TFEC: variants seen among roughly 807,000 people sequenced by gnomAD.
TFEC encodes the protein class E basic helix-loop-helix protein 34.
A neutral mutation model predicts 41.6 loss-of-function variants in TFEC; 31 were observed. The observed-to-expected ratio is 0.74, with a 90% CI of 0.56 to 1.01. The LOEUF (loss-of-function observed/expected upper bound fraction) is 1.01. Ranked by LOEUF, TFEC falls within the 50% of genes least tolerant of loss-of-function variation. The pLI, the probability that TFEC is intolerant of heterozygous loss-of-function variation, is 0.00. For missense variants in TFEC, 402 were observed against 404.1 expected (o/e 0.99, Z 0.04); for synonymous variants, 143 against 140.6 (o/e 1.02, Z -0.12).
intron 3 of TFEC, among the ~76,000 whole-genome samples, chr7:116,085,296 A>G (rs946042612): frequency 3.9e-5 from 6 of 151,932 alleles, no homozygotes; most frequent in African/African-American, 1.4e-4. Flanking sequence ...GGAACAATGC[A>G]TCTGATGTGA....
intron 3 of TFEC, among the ~76,000 whole-genome samples, chr7:116,044,001 GC>G (rs1384604643): frequency 6.6e-6 from 1 of 152,200 alleles, no homozygotes; most frequent in Non-Finnish European, 1.5e-5. Flanking sequence ...GGGCTTCTCA[GC>G]TGCCATGTAA....
At chr7:116,013,695 T>G (rs898057498) in intron 1 of TFEC, among the ~76,000 whole-genome samples, 1 of 152,150 alleles carries the variant, frequency 6.6e-6, no homozygotes, top group Non-Finnish European at 1.5e-5. Flanking sequence ...TATCAGTTAA[T>G]AAGTATAATG....
intron 1 of TFEC, among the ~76,000 whole-genome samples, chr7:115,986,213 G>A (rs1228219819): frequency 6.6e-6 from 1 of 152,170 alleles, no homozygotes; most frequent in African/African-American, 2.4e-5. Context: ...CAACAACAAT[G>A]ATAATAATAT....
chr7:116,155,782 G>C (rs1798858084), intron 1 of TFEC, among the ~76,000 whole-genome samples: 1 of 152,044 alleles, frequency 6.6e-6, no homozygotes, highest in Non-Finnish European at 1.5e-5. Flanking sequence ...AACATTCTTT[G>C]TCACGGGGCT....
intron 1 of TFEC, among the ~76,000 whole-genome samples, chr7:115,986,407 AG>A (rs1439954255): frequency 3.2e-4 from 49 of 152,300 alleles, no homozygotes; most frequent in African/African-American, 1.2e-3. Flanking sequence ...GAGAGAAAGA[AG>A]TGGAATACAG....
intron 1 of TFEC, among the ~76,000 whole-genome samples, chr7:116,012,701 A>C (rs937763315): frequency 5.3e-5 from 8 of 152,042 alleles, no homozygotes; most frequent in Non-Finnish European, 1.2e-4. Flanking sequence ...ATGGAATATC[A>C]ATGTATTCTC....
intron 2 of TFEC, among the ~76,000 whole-genome samples, chr7:115,981,352 G>T (rs549735181): frequency 1.3e-5 from 2 of 152,108 alleles, no homozygotes; most frequent in African/African-American, 4.8e-5. Context: ...TTTATCTTCT[G>T]AGTTTCTAGA....
chr7:115,955,729 T>C (rs187125625), intron 4 of TFEC, among the ~76,000 whole-genome samples: 81 of 152,198 alleles, frequency 5.3e-4, no homozygotes, highest in Non-Finnish European at 9.7e-4. Context: ...TTTGTTGTTA[T>C]GCAACAAAAA....
At chr7:115,944,830 C>A (rs1473887337) in intron 6 of TFEC, among the ~76,000 whole-genome samples, 1 of 151,318 alleles carries the variant, frequency 6.6e-6, no homozygotes, top group Non-Finnish European at 1.5e-5. Flanking sequence ...TGACTTGGCA[C>A]ACTCTTAGTA....
intron 3 of TFEC, among the ~76,000 whole-genome samples, chr7:116,048,892 G>A (rs929868877): frequency 6.6e-6 from 1 of 152,172 alleles, no homozygotes; most frequent in Non-Finnish European, 1.5e-5. Flanking sequence ...AGCTTCAGAA[G>A]TGAAAGAGAA....
chr7:116,094,473 G>A (rs1034857922), intron 3 of TFEC, among the ~76,000 whole-genome samples: 1 of 152,106 alleles, frequency 6.6e-6, no homozygotes, highest in African/African-American at 2.4e-5. Flanking sequence ...AAGGTCAGGA[G>A]ATCGAGACCA....
chr7:116,088,733 C>T (rs918610246), intron 3 of TFEC, among the ~76,000 whole-genome samples: 5 of 151,924 alleles, frequency 3.3e-5, no homozygotes, highest in Admixed American at 3.3e-4. Context: ...ACATTTGTTC[C>T]TTTTCATCTT....
At chr7:116,151,524 T>C (rs903611981) in intron 1 of TFEC, among the ~76,000 whole-genome samples, 1 of 152,184 alleles carries the variant, frequency 6.6e-6, no homozygotes, top group African/African-American at 2.4e-5. Flanking sequence ...ATTACAGGCA[T>C]GAGCCACTGT....
intron 3 of TFEC, among the ~76,000 whole-genome samples, chr7:115,972,337 A>G (rs1443096602): frequency 6.6e-6 from 1 of 152,152 alleles, no homozygotes; most frequent in Non-Finnish European, 1.5e-5. Context: ...CAATTAAAAC[A>G]GCCTTCAGAG....
intron 3 of TFEC, among the ~76,000 whole-genome samples, chr7:116,096,741 C>G (rs1797470638): frequency 6.6e-6 from 1 of 152,090 alleles, no homozygotes; most frequent in Non-Finnish European, 1.5e-5. Context: ...GCAAATATTA[C>G]AATGCCTTCT....
At chr7:116,120,344 G>A (rs1220497940) in intron 1 of TFEC, 1 of 152,054 alleles carries the variant, frequency 6.6e-6, no homozygotes. Context: ...GATGGCTCTT[G>A]ATGCACACTC....
At chr7:116,026,858 T>C (rs1177801344) in intron 1 of TFEC, among the ~76,000 whole-genome samples, 2 of 152,152 alleles carry the variant, frequency 1.3e-5, no homozygotes, top group African/African-American at 2.4e-5. Context: ...GCCTTGCACA[T>C]GTGAAGGACA....
At chr7:116,054,148 G>A (rs958653321) in intron 3 of TFEC, among the ~76,000 whole-genome samples, 1 of 152,062 alleles carries the variant, frequency 6.6e-6, no homozygotes, top group Non-Finnish European at 1.5e-5. Context: ...ACTGAATAAG[G>A]AGAGGATTAA....
At chr7:116,028,611 C>G (rs1453892113) in intron 1 of TFEC, among the ~76,000 whole-genome samples, 1 of 152,182 alleles carries the variant, frequency 6.6e-6, no homozygotes, top group Non-Finnish European at 1.5e-5. Flanking sequence ...GTAAACACCA[C>G]CTTTCTGGAT....
Sources: allele counts gnomAD v4.1 joint callset (sites outside exome capture counted in the v4.1 genomes callset), GRCh38; gene constraint gnomAD v4.1.1; transcripts MANE v1.5; gene names NCBI Gene and HGNC (gene_info 2026-07-23, HGNC 2026-07-21).